The following MTMR7 variants were observed in gnomAD, a reference collection of about 807,000 sequenced individuals.
MTMR7 encodes myotubularin related protein 7, also known as phosphatidylinositol-3-phosphate phosphatase MTMR7.
MTMR7 carries 76 observed loss-of-function variants against 81.2 expected under a neutral mutation model. The ratio of observed to expected loss-of-function variants is 0.94; its 90% CI spans 0.78 to 1.13. The LOEUF is 1.13. Ranked by LOEUF, MTMR7 falls within the 50% of genes most tolerant of loss-of-function variation. MTMR7 has a pLI of 0.00. For synonymous variants in MTMR7, 372 were observed against 289.8 expected (o/e 1.28, Z -2.88); for missense variants, 1,044 against 820.0 (o/e 1.27, Z -3.34).
intron 7 of MTMR7, among the ~76,000 whole-genome samples, chr8:17,319,169 G>A (rs1338516054): frequency 6.6e-6 from 1 of 152,226 alleles, no homozygotes; most frequent in Non-Finnish European, 1.5e-5. Context: ...GGCAGACACA[G>A]CTGCACTCAA....
chr8:17,401,505 T>C (rs1309316008), intron 1 of MTMR7, among the ~76,000 whole-genome samples: 2 of 151,860 alleles, frequency 1.3e-5, no homozygotes, highest in African/African-American at 4.8e-5. Context: ...ACGAAAGAAG[T>C]CCAAGCTCCA....
chr8:17,318,922 TCTC>T (rs1414455824), intron 7 of MTMR7, among the ~76,000 whole-genome samples: 1 of 152,158 alleles, frequency 6.6e-6, no homozygotes, highest in Admixed American at 6.5e-5. Flanking sequence ...ATCTCCAACG[TCTC>T]CTGAAAACAA....
At position 17,361,958 on chromosome 8, in the gene MTMR7, G is replaced by C. The variant is rs546555971; in HGVS notation, c.311-684C>G. On this transcript the variant is annotated intron_variant, in intron 3 of 13. Transcript: ENST00000180173. Reference sequence around the variant, plus strand: ...CTTTCAATCCTGTCGTGTTATCTCTGTCTTTATATACTGCCTTTGATGCTT... The same window carrying C: ...CTTTCAATCCTGTCGTGTTATCTCTCTCTTTATATACTGCCTTTGATGCTT... Among the ~76,000 whole-genome samples the C allele has an allele frequency of 2.0e-5, 3 of 152,230 alleles. No individual in the cohort carries two copies. In the East Asian group the frequency reaches 5.8e-4, roughly 29 times the overall value.
chr8:17,365,007 C>A (rs559126547), intron 3 of MTMR7, among the ~76,000 whole-genome samples: 1 of 152,314 alleles, frequency 6.6e-6, no homozygotes, highest in Non-Finnish European at 1.5e-5. Context: ...TCCATAATGG[C>A]TTGTACTAAT....
chr8:17,341,622 G>A lies in MTMR7; in HGVS notation c.598-125C>T, dbSNP rs549766794. ...ATAGTCCACCTCGGCTTATGAAAAC[G>A]TGATACAGCTTTCTGGAAATCAAGC... On this transcript the variant is annotated intron_variant, in intron 5 of 13. Transcript: ENST00000180173. The A allele has an allele frequency of 2.8e-5, 32 of 1,162,286 alleles. No homozygotes were observed. In the Middle Eastern group the frequency reaches 1.2e-3, roughly 43 times the overall value. The allele number at this position is 1,162,286 out of a possible 1,614,324, so 72.0% of individuals were successfully genotyped here.
chr8:17,389,825 C>T (rs537327543), intron 1 of MTMR7, among the ~76,000 whole-genome samples: 1 of 151,822 alleles, frequency 6.6e-6, no homozygotes, highest in Non-Finnish European at 1.5e-5. Context: ...ATGGAGAATA[C>T]TGGAGGAGAA....
chr8:17,306,609 G>A (rs1241145732), intron 10 of MTMR7, among the ~76,000 whole-genome samples: 1 of 152,084 alleles, frequency 6.6e-6, no homozygotes, highest in Admixed American at 6.6e-5. Flanking sequence ...ACTACTGTGT[G>A]AGTTTTACAG....
In MTMR7 at chr8:17,413,320, G is replaced by A. The variant is rs1423243378; in HGVS notation, c.-28C>T. The A allele has an allele frequency of 3.3e-6, 5 of 1,528,586 alleles. No homozygotes were observed. The highest frequency in any genetic ancestry group is 2.4e-5 in the South Asian group (2 of 82,404). 94.7% of individuals were successfully genotyped at this position (1,528,586 alleles called of 1,614,324 possible). On this transcript the variant is annotated 5_prime_UTR_variant, in exon 1 of 14. Transcript: ENST00000180173. ...CTGGCCCACGTCTGCAGGGTCCCGG[G>A]CGGGCGCGGCCTCACGCACCTGCGC...
intron 6 of MTMR7, among the ~76,000 whole-genome samples, chr8:17,338,338 A>G (rs1042675249): frequency 3.9e-5 from 6 of 152,326 alleles, no homozygotes; most frequent in Non-Finnish European, 8.8e-5. Context: ...CGTTTCCTAG[A>G]AGGTTTACAC....
At chr8:17,366,872 C>G (rs1452223883) in intron 3 of MTMR7, among the ~76,000 whole-genome samples, 1 of 77,074 alleles carries the variant, frequency 1.3e-5, no homozygotes, top group Non-Finnish European at 2.3e-5. Flanking sequence ...GATGACAGAG[C>G]GAGACTCCAT....
intron 1 of MTMR7, among the ~76,000 whole-genome samples, chr8:17,388,720 G>A (rs923505462): frequency 5.1e-5 from 7 of 136,812 alleles, no homozygotes; most frequent in South Asian, 2.5e-4. Flanking sequence ...CCAAAGGGAG[G>A]AGAAAGCCCA....
intron 1 of MTMR7, among the ~76,000 whole-genome samples, chr8:17,379,746 T>C (rs1820702942): frequency 6.6e-6 from 1 of 152,150 alleles, no homozygotes; most frequent in African/African-American, 2.4e-5. Flanking sequence ...TTGGGAAAAA[T>C]GCCTATACCT....
At chr8:17,391,763 T>C (rs1189813712) in intron 1 of MTMR7, among the ~76,000 whole-genome samples, 1 of 152,202 alleles carries the variant, frequency 6.6e-6, no homozygotes, top group Non-Finnish European at 1.5e-5. Flanking sequence ...CGGGAATCTA[T>C]GATAAGCAGT....
chr8:17,352,251 A>T (rs75315829), intron 4 of MTMR7, among the ~76,000 whole-genome samples: 3,973 of 152,306 alleles, frequency 0.026, 145 homozygotes, highest in African/African-American at 0.073. Flanking sequence ...AAGACAGACA[A>T]ATAGGCCAAT....
chr8:17,324,257 G>A (rs1246791389), intron 7 of MTMR7, among the ~76,000 whole-genome samples: 1 of 152,208 alleles, frequency 6.6e-6, no homozygotes, highest in African/African-American at 2.4e-5. Context: ...GTAACTGTCT[G>A]ATGAATAGAT....
intron 3 of MTMR7, among the ~76,000 whole-genome samples, chr8:17,369,007 G>A (rs1820323376): frequency 6.6e-6 from 1 of 152,122 alleles, no homozygotes; most frequent in Admixed American, 6.5e-5. Flanking sequence ...GCTATCTCTG[G>A]GCCATGACCC....
At chr8:17,337,522 C>G (rs1819281758) in intron 6 of MTMR7, among the ~76,000 whole-genome samples, 1 of 152,216 alleles carries the variant, frequency 6.6e-6, no homozygotes, top group African/African-American at 2.4e-5. Context: ...TAAAGCGCCA[C>G]ACCCTAGCAC....
At chr8:17,356,069 C>T (rs949918428) in intron 4 of MTMR7, among the ~76,000 whole-genome samples, 1 of 152,200 alleles carries the variant, frequency 6.6e-6, no homozygotes, top group Admixed American at 6.5e-5. Flanking sequence ...GTCCTATCCA[C>T]CCCATTACCA....
At chr8:17,398,952 G>A (rs73211123) in intron 1 of MTMR7, among the ~76,000 whole-genome samples, 8,004 of 152,050 alleles carry the variant, frequency 0.053, 461 homozygotes, top group East Asian at 0.33. Context: ...GGTAACTTCC[G>A]AGGGTTGAGG....
Sources: allele counts gnomAD v4.1 joint callset (sites outside exome capture counted in the v4.1 genomes callset), GRCh38; gene constraint gnomAD v4.1.1; transcripts MANE v1.5; gene names NCBI Gene and HGNC (gene_info 2026-07-23, HGNC 2026-07-21).